The following LRPPRC variants were observed in gnomAD, a reference collection of about 807,000 sequenced individuals.
The protein encoded by LRPPRC is leucine-rich PPR motif-containing protein, mitochondrial.
LRPPRC carries 120 observed loss-of-function variants against 180.3 expected under a neutral mutation model. That is an observed-to-expected ratio of 0.67 (90% CI 0.57 to 0.77). The LOEUF is 0.77. Ranked by LOEUF, LRPPRC falls within the 30% of genes least tolerant of loss-of-function variation. LRPPRC has a pLI of 0.00. For synonymous variants in LRPPRC, 723 were observed against 600.0 expected, an observed-to-expected ratio of 1.21 and a Z score of -3.00; for missense variants, 2,012 against 1,657.2, an observed-to-expected ratio of 1.21 and a Z score of -3.72.
chr2:43,967,161 A>G (rs1673595516), intron 11 of LRPPRC, among the ~76,000 whole-genome samples: 1 of 152,088 alleles, frequency 6.6e-6, no homozygotes, highest in African/African-American at 2.4e-5. Flanking sequence ...CACTTTGGGA[A>G]GCCAAGGTGG....
intron 37 of LRPPRC, 68 bp from the exon 38 acceptor site, chr2:43,888,724 A>G: frequency 1.2e-6 from 1 of 857,286 alleles, no homozygotes; most frequent in Middle Eastern, 2.2e-4. Context: ...AACTTAAAAA[A>G]TCATAAAACA....
At position 43,995,934 on chromosome 2, in the gene LRPPRC, A is replaced by G. The variant is rs761961402; in HGVS notation, c.14T>C (p.Leu5Pro). ...ACGCAGCAACCAACGCGCGGATCTC[A>G]GCAGGGCTGCCATTGCTCGAACGTC... Reference protein sequence around the residue: MAALLRSARWLLRAG... With the variant: MAALPRSARWLLRAG... The change falls in exon 1 of 38, where the codon CTG becomes CCG. Residue 5 changes from leucine to proline, a missense_variant. Coordinates refer to ENST00000260665, the MANE Select transcript of LRPPRC (RefSeq NM_133259.4). 1.5e-5 allele frequency: 23 copies of G among 1,525,320 alleles called. 1 individual carries two copies. In the South Asian group the frequency reaches 2.3e-4, roughly 15 times the overall value. The allele number at this position is 1,525,320 out of a possible 1,614,324, so 94.5% of individuals were successfully genotyped here.
intron 11 of LRPPRC, among the ~76,000 whole-genome samples, chr2:43,972,455 C>A (rs1377148070): frequency 6.6e-6 from 1 of 152,158 alleles, no homozygotes; most frequent in African/African-American, 2.4e-5. Context: ...AACATTTCAA[C>A]TGGTACCAAA....
At chr2:43,896,839 G>A (rs1304979643) in intron 34 of LRPPRC, 131 bp from the exon 35 acceptor site, 28 of 658,684 alleles carry the variant, frequency 4.3e-5, no homozygotes, top group South Asian at 4.0e-4. Context: ...CCTAATAGTC[G>A]ACTATTATTT....
At chr2:43,996,176 C>G (rs562009600), upstream of LRPPRC, among the ~76,000 whole-genome samples, 21 of 152,320 alleles carry the variant, frequency 1.4e-4, no homozygotes, top group South Asian at 4.4e-3. Context: ...CGAAGCTTTT[C>G]TTTTCCGTCT....
chr2:43,894,642 A>T lies in LRPPRC; in HGVS notation c.3901-13T>A. 1 of 1,333,566 alleles carries T rather than the reference A, an allele frequency of 7.5e-7. No homozygotes were observed. Among genetic ancestry groups the T allele is most frequent in the Non-Finnish European group, 1.1e-6 (1 of 924,070 alleles). 82.6% of individuals were successfully genotyped at this position (1,333,566 alleles called of 1,614,324 possible). On this transcript the variant is annotated splice_polypyrimidine_tract_variant and intron_variant, in intron 35 of 37. Transcript: ENST00000260665. ...TCACAGTTGATGCCTAGGAAATTAC[A>T]TAAAGGTAATATTATGAAAACCGCA...
intron 36 of LRPPRC, among the ~76,000 whole-genome samples, chr2:43,892,422 T>C (rs1334641257): frequency 6.6e-6 from 1 of 152,192 alleles, no homozygotes; most frequent in Non-Finnish European, 1.5e-5. Context: ...CTGTGTTCTA[T>C]AAATGGAACA....
intron 32 of LRPPRC, among the ~76,000 whole-genome samples, chr2:43,900,423 A>T (rs1454439916): frequency 6.6e-6 from 1 of 152,140 alleles, no homozygotes; most frequent in African/African-American, 2.4e-5. Context: ...TATTTCTCTT[A>T]CAAGTTTTAA....
rs762254417 is a variant in LRPPRC at position 43,901,322 on chromosome 2, C to CT, written c.3566dup (p.Asn1190GlufsTer2). 2 of 1,612,484 alleles carry CT rather than the reference C, an allele frequency of 1.2e-6. No homozygotes were observed. Among genetic ancestry groups the CT allele is most frequent in the Admixed American group, 1.7e-5 (1 of 60,016 alleles). Reference sequence around the variant, plus strand: ...AAAGAAGGCTTGCAAATACTCACTTCTTTATTTGAGCCAAAGCAATGTTAT... The same window carrying CT: ...AAAGAAGGCTTGCAAATACTCACTTCTTTTATTTGAGCCAAAGCAATGTTAT... On this transcript the variant is annotated frameshift_variant, in exon 32 of 38. Coordinates refer to ENST00000260665, the MANE Select transcript of LRPPRC (RefSeq NM_133259.4). LOFTEE classifies it high-confidence loss of function.
chr2:43,932,386 G>A (rs1287478354), intron 25 of LRPPRC, among the ~76,000 whole-genome samples: 1 of 152,040 alleles, frequency 6.6e-6, no homozygotes, highest in East Asian at 1.9e-4. Context: ...AGACACTATT[G>A]CTTTTTTTGG....
rs1670410795 is a variant in LRPPRC, at chr2:43,889,643, A to G, written c.4128+91T>C. ...TTCACAGAGATCTAATCCTCATGTAATTAAGTCTTCAACTTATTTTCTTAC... is the reference window on the plus strand; with the variant it reads ...TTCACAGAGATCTAATCCTCATGTAGTTAAGTCTTCAACTTATTTTCTTAC... On this transcript the variant is annotated intron_variant, in intron 37 of 37. Transcript: ENST00000260665. The G allele has an allele frequency of 6.5e-6, 7 of 1,074,960 alleles. No homozygotes were observed. In the South Asian group the frequency reaches 8.9e-5, roughly 14 times the overall value. 66.6% of individuals were successfully genotyped at this position (1,074,960 alleles called of 1,614,324 possible).
At chr2:43,916,485 T>C (rs563659235) in intron 29 of LRPPRC, among the ~76,000 whole-genome samples, 5 of 152,188 alleles carry the variant, frequency 3.3e-5, no homozygotes, top group South Asian at 2.1e-4. Flanking sequence ...CCTTGAGATA[T>C]TGCTGGATCA....
At chr2:43,976,897 T>C in intron 5 of LRPPRC, 97 bp downstream of exon 5, 1 of 936,676 alleles carries the variant, frequency 1.1e-6, no homozygotes, top group Non-Finnish European at 1.7e-6. Flanking sequence ...AACAATTTCC[T>C]CCATTAGGAA....
At position 43,989,041 on chromosome 2, in the gene LRPPRC, ATTTC is replaced by A. The variant is rs530022236; in HGVS notation, c.150-6611_150-6608del. On this transcript the variant is annotated intron_variant, in intron 1 of 37. Transcript: ENST00000260665. ...AGGTGCATGCCACCACAGCTGGCTA[ATTTC>A]TTTTTTTCTAGAGACAGGAGTCTCA... is the stretch of plus-strand genomic sequence containing the variant. Among the ~76,000 whole-genome samples the A allele has an allele frequency of 4.9e-4, 74 of 152,062 alleles. 1 individual carries two copies. In the East Asian group the frequency reaches 5.2e-3, roughly 11 times the overall value.
At chr2:43,917,473 C>T (rs1272382488) in intron 29 of LRPPRC, among the ~76,000 whole-genome samples, 1 of 151,402 alleles carries the variant, frequency 6.6e-6, no homozygotes, top group African/African-American at 2.4e-5. Context: ...AATCATAATA[C>T]CATTATCACA....
At chr2:43,986,454 C>T (rs1377414163) in intron 1 of LRPPRC, among the ~76,000 whole-genome samples, 1 of 152,132 alleles carries the variant, frequency 6.6e-6, no homozygotes, top group African/African-American at 2.4e-5. Flanking sequence ...AAACTCTTCT[C>T]TCCACTTTTT....
rs370993030 is a variant in LRPPRC at position 43,943,892 on chromosome 2, C to A, written c.2299G>T (p.Ala767Ser). ...VLAKHGKLQD[A>S]INILKEMKEK... ...TTCATCTCCTTCAGAATGTTAATAGCATCTACAATGAAGTAACACAAAAGA... is the reference window on the plus strand; with the variant it reads ...TTCATCTCCTTCAGAATGTTAATAGAATCTACAATGAAGTAACACAAAAGA... Residue 767 changes from alanine (A) to serine (S), a missense_variant and splice_region_variant, in exon 23 of 38, where the codon GCT becomes TCT. Physicochemically the swap from Ala to Ser is moderately conservative, Grantham distance 99 (BLOSUM62 1). Coordinates refer to ENST00000260665, the MANE Select transcript of LRPPRC (RefSeq NM_133259.4). 6.2e-7 allele frequency: 1 copy of A among 1,608,270 alleles called. No homozygotes were observed. Among genetic ancestry groups the A allele is most frequent in the Non-Finnish European group, 8.5e-7 (1 of 1,174,924 alleles).
intron 23 of LRPPRC, among the ~76,000 whole-genome samples, chr2:43,938,186 T>TA (rs58510012): frequency 0.22 from 31,562 of 146,748 alleles, 4,088 homozygotes; most frequent in African/African-American, 0.37. Flanking sequence ...TTACCCTTTA[T>TA]AAAAAAAAAA....
Position 43,955,574 on chromosome 2 carries a change from C to T in LRPPRC, c.1649+1811G>A, listed in dbSNP as rs1286295411. 3.3e-5 allele frequency among the ~76,000 whole-genome samples: 5 copies of T among 151,726 alleles called. No homozygotes were observed. The East Asian group carries it at 7.8e-4, about 24-fold the overall frequency. Reference sequence around the variant, plus strand: ...GCAACATAGTGAGATCCCGTCTCTACAAAAAAATTTTAAAAATCAGCCAGC... The same window carrying T: ...GCAACATAGTGAGATCCCGTCTCTATAAAAAAATTTTAAAAATCAGCCAGC... On this transcript the variant is annotated intron_variant, in intron 14 of 37. Coordinates refer to ENST00000260665, the MANE Select transcript of LRPPRC (RefSeq NM_133259.4).
Sources: gnomAD v4.1 joint callset for allele counts (sites outside exome capture counted in the v4.1 genomes callset) on GRCh38, gnomAD v4.1.1 for gene constraint, MANE v1.5 for transcripts, NCBI Gene and HGNC (gene_info 2026-07-23, HGNC 2026-07-21) for gene names.